The following SMAP1 variants were observed in gnomAD, a reference collection of about 807,000 sequenced individuals.
SMAP1 encodes small ArfGAP 1.
In SMAP1, 24 loss-of-function variants were observed where a neutral mutation model predicts 58.5. The observed-to-expected ratio is 0.41, with a 90% CI of 0.30 to 0.58. SMAP1 has a LOEUF of 0.58. Ranked by LOEUF, SMAP1 falls within the 20% of genes least tolerant of loss-of-function variation. SMAP1 has a pLI of 0.29. For missense variants in SMAP1, 563 were observed against 566.3 expected (o/e 0.99, Z 0.06); for synonymous variants, 216 against 196.6 (o/e 1.10, Z -0.82).
intron 6 of SMAP1, among the ~76,000 whole-genome samples, chr6:70,801,022 G>T (rs1768826227): frequency 6.6e-6 from 1 of 152,036 alleles, no homozygotes; most frequent in Non-Finnish European, 1.5e-5. Flanking sequence ...TAATCCTTTG[G>T]GTATATACTC....
chr6:70,796,724 T>C (rs1768623888), intron 5 of SMAP1, among the ~76,000 whole-genome samples: 1 of 152,204 alleles, frequency 6.6e-6, no homozygotes, highest in African/African-American at 2.4e-5. Flanking sequence ...TAGACTATGT[T>C]AATATCCTTA....
chr6:70,788,717 G>A (rs2149938713), intron 4 of SMAP1, among the ~76,000 whole-genome samples: 1 of 152,288 alleles, frequency 6.6e-6, no homozygotes, highest in East Asian at 1.9e-4. Flanking sequence ...TGGGCAGAGT[G>A]TATATGAATG....
In SMAP1 at chr6:70,808,182, A is replaced by G. The variant is rs191310912; in HGVS notation, c.576+9445A>G. 5.2e-3 allele frequency among the ~76,000 whole-genome samples: 790 copies of G among 152,306 alleles called. 5 individuals carry two copies. Among genetic ancestry groups the G allele is most frequent in the African/African-American group, 0.018 (731 of 41,576 alleles). ...GTGGCAGAGGTGGAAGAAAATCCAC[A>G]TGTAAGTGGATCCACGCAGTTCAAA... On this transcript the variant is annotated intron_variant, in intron 6 of 10. Transcript: ENST00000370455.
chr6:70,793,720 T>C (rs1202921737), intron 5 of SMAP1, among the ~76,000 whole-genome samples: 2 of 151,938 alleles, frequency 1.3e-5, no homozygotes, highest in Non-Finnish European at 1.5e-5. Context: ...TTTTTATTTA[T>C]TTATTTATTT....
chr6:70,719,013 A>T (rs1475325966), intron 1 of SMAP1, among the ~76,000 whole-genome samples: 4 of 152,134 alleles, frequency 2.6e-5, no homozygotes, highest in Non-Finnish European at 5.9e-5. Context: ...CTATTTTATA[A>T]CATATATAAT....
Position 70,860,234 on chromosome 6 carries a change from G to C in SMAP1, c.1304G>C (p.Ser435Thr). 2 of 1,613,580 alleles carry C rather than the reference G, an allele frequency of 1.2e-6. No homozygotes were observed. Among genetic ancestry groups the C allele is most frequent in the Non-Finnish European group, 1.7e-6 (2 of 1,179,820 alleles). ...NQQMAGMSIS[S>T]ATPTAGFGQP... ...CAGATGGCTGGCATGAGTATCAGTA[G>C]TGCAACCCCTACTGCAGGTTTTGGC... The change falls in exon 11 of 11, where the codon AGT becomes ACT. Residue 435 changes from serine to threonine, a missense_variant. This residue lies in a region of SMAP1 where 494 missense variants were observed against 473.8 expected (regional missense o/e 1.04). Coordinates refer to ENST00000370455, the MANE Select transcript of SMAP1 (RefSeq NM_001044305.3).
At chr6:70,851,973 T>TA (rs1562203098) in intron 7 of SMAP1, among the ~76,000 whole-genome samples, 3 of 152,156 alleles carry the variant, frequency 2.0e-5, no homozygotes, top group African/African-American at 7.2e-5. Context: ...TTCCATGTTG[T>TA]GACTTCAAAA....
rs552987249 is a variant in SMAP1, at chr6:70,754,927, G to A, written c.253-53G>A. The A allele has an allele frequency of 8.0e-6, 9 of 1,119,508 alleles. No homozygotes were observed. The South Asian group carries it at 1.2e-4, about 15-fold the overall frequency. 69.3% of individuals were successfully genotyped at this position (1,119,508 alleles called of 1,614,324 possible). On this transcript the variant is annotated intron_variant, in intron 2 of 10. Coordinates refer to ENST00000370455, the MANE Select transcript of SMAP1 (RefSeq NM_001044305.3). Reference sequence around the variant, plus strand: ...ATGTATGTATGTGTATGTATGTGCAGGAATCACTTTTTAATGTTTATGTGA... The same window carrying A: ...ATGTATGTATGTGTATGTATGTGCAAGAATCACTTTTTAATGTTTATGTGA...
chr6:70,744,866 T>A (rs1765962367), intron 2 of SMAP1, among the ~76,000 whole-genome samples: 1 of 152,268 alleles, frequency 6.6e-6, no homozygotes, highest in South Asian at 2.1e-4. Context: ...ATTGCCATTC[T>A]AACTGGTGTG....
chr6:70,755,948 A>G (rs1390284356), intron 3 of SMAP1, among the ~76,000 whole-genome samples: 1 of 152,064 alleles, frequency 6.6e-6, no homozygotes, highest in African/African-American at 2.4e-5. Context: ...AGGTTGCACA[A>G]CTATGTTTGC....
chr6:70,736,448 A>C (rs1192364083), intron 2 of SMAP1, among the ~76,000 whole-genome samples: 1 of 152,164 alleles, frequency 6.6e-6, no homozygotes, highest in Non-Finnish European at 1.5e-5. Flanking sequence ...GAATACCAGA[A>C]TTAACTGTTG....
intron 1 of SMAP1, chr6:70,668,395 A>T: frequency 1.0e-6 from 1 of 963,292 alleles, no homozygotes; most frequent in Non-Finnish European, 1.5e-6. Context: ...CACGGGTTTG[A>T]GCAGGTGCCA....
At chr6:70,842,444 A>C (rs949138293) in intron 7 of SMAP1, among the ~76,000 whole-genome samples, 1 of 152,176 alleles carries the variant, frequency 6.6e-6, no homozygotes, top group Non-Finnish European at 1.5e-5. Context: ...TGGTGAACTG[A>C]CACCAGAAAC....
At chr6:70,762,565 T>C (rs1016484419) in intron 3 of SMAP1, among the ~76,000 whole-genome samples, 6 of 152,156 alleles carry the variant, frequency 3.9e-5, no homozygotes, top group East Asian at 1.9e-4. Context: ...ACCAAAGATA[T>C]AGCATGTTTT....
At chr6:70,817,701 T>A (rs118105630) in intron 6 of SMAP1, among the ~76,000 whole-genome samples, 1,549 of 152,238 alleles carry the variant, frequency 0.01, 12 homozygotes, top group Non-Finnish European at 0.014. Flanking sequence ...CTTTGTTGAT[T>A]TTAAAGAGGG....
chr6:70,668,250 C>A, intron 1 of SMAP1, 109 bp downstream of exon 1: 2 of 1,046,300 alleles, frequency 1.9e-6, no homozygotes, highest in Non-Finnish European at 2.7e-6. Context: ...CGCTGGCCGG[C>A]TCCTGCCCTG....
chr6:70,683,567 C>T (rs1766814744), intron 1 of SMAP1, among the ~76,000 whole-genome samples: 1 of 152,128 alleles, frequency 6.6e-6, no homozygotes, highest in African/African-American at 2.4e-5. Context: ...ACATTTCTCT[C>T]TTGACCAGTC....
At chr6:70,806,974 C>CAT (rs1226396417) in intron 6 of SMAP1, among the ~76,000 whole-genome samples, 1 of 152,170 alleles carries the variant, frequency 6.6e-6, no homozygotes, top group Non-Finnish European at 1.5e-5. Flanking sequence ...TTCTATTTGT[C>CAT]ATATATGTCT....
intron 3 of SMAP1, among the ~76,000 whole-genome samples, chr6:70,756,689 T>C (rs1766505356): frequency 6.6e-6 from 1 of 152,122 alleles, no homozygotes; most frequent in Non-Finnish European, 1.5e-5. Context: ...ATTTTGTCAA[T>C]GTACAAAAAT....
Sources: gnomAD v4.1 joint callset for allele counts (sites outside exome capture counted in the v4.1 genomes callset) on GRCh38, gnomAD v4.1.1 for gene constraint, gnomAD v4.1.1 regional missense constraint, MANE v1.5 for transcripts, NCBI Gene and HGNC (gene_info 2026-07-23, HGNC 2026-07-21) for gene names.